Variants in DCC observed in about 807,000 individuals in gnomAD.
DCC encodes netrin receptor DCC.
Under a neutral mutation model 172.5 loss-of-function variants are expected in DCC, and 58 were observed. The ratio of observed to expected loss-of-function variants is 0.34; its 90% CI spans 0.27 to 0.42. The LOEUF is 0.42. Among genes scored for constraint, DCC ranks in the 10% least tolerant of loss-of-function variants. DCC has a pLI of 1.00. For missense variants in DCC, 1,740 were observed against 1,791.0 expected, an observed-to-expected ratio of 0.97 and a Z score of 0.51; for synonymous variants, 709 against 644.5, an observed-to-expected ratio of 1.10 and a Z score of -1.52.
chr18:53,354,463 T>C (rs1048036029), intron 15 of DCC, among the ~76,000 whole-genome samples: 9 of 152,144 alleles, frequency 5.9e-5, no homozygotes, highest in African/African-American at 2.2e-4. Context: ...TTCTAACTGG[T>C]GTGAGATGGT....
intron 2 of DCC, among the ~76,000 whole-genome samples, chr18:52,861,732 G>A (rs1347292351): frequency 6.6e-6 from 1 of 152,108 alleles, no homozygotes; most frequent in African/African-American, 2.4e-5. Context: ...TTGCTGTTGG[G>A]TTAGCAATAT....
At chr18:52,366,397 G>GT (rs1437151689) in intron 1 of DCC, among the ~76,000 whole-genome samples, 2 of 152,158 alleles carry the variant, frequency 1.3e-5, no homozygotes, top group African/African-American at 2.4e-5. Context: ...CGGGCAGCCT[G>GT]TTTTTATTCT....
chr18:53,136,092 T>C (rs2043736074), intron 7 of DCC, among the ~76,000 whole-genome samples: 1 of 151,026 alleles, frequency 6.6e-6, no homozygotes, highest in African/African-American at 2.5e-5. Context: ...TTGTTTGAGC[T>C]GAACAGAAAT....
intron 1 of DCC, among the ~76,000 whole-genome samples, chr18:52,749,581 A>G (rs2036963988): frequency 1.3e-5 from 2 of 152,258 alleles, no homozygotes; most frequent in Non-Finnish European, 2.9e-5. Context: ...TGTTATAAAG[A>G]GTACAAAAAG....
chr18:53,308,832 GT>G (rs1400281811), intron 13 of DCC, among the ~76,000 whole-genome samples: 1 of 151,968 alleles, frequency 6.6e-6, no homozygotes, highest in Non-Finnish European at 1.5e-5. Flanking sequence ...TATTCTCATA[GT>G]TCAGGAGGCC....
intron 2 of DCC, among the ~76,000 whole-genome samples, chr18:52,784,022 C>A (rs75112069): frequency 0.053 from 8,038 of 152,040 alleles, 287 homozygotes; most frequent in South Asian, 0.16. Flanking sequence ...TTTACTACCA[C>A]ACACTAGAAT....
At chr18:52,512,974 T>C (rs937422488) in intron 1 of DCC, among the ~76,000 whole-genome samples, 4 of 152,158 alleles carry the variant, frequency 2.6e-5, no homozygotes, top group Admixed American at 6.5e-5. Context: ...AGATGGCTTA[T>C]ACCAATAGAG....
chr18:52,705,710 G>A (rs1202556323), intron 1 of DCC, among the ~76,000 whole-genome samples: 1 of 152,142 alleles, frequency 6.6e-6, no homozygotes, highest in African/African-American at 2.4e-5. Flanking sequence ...CCACATCATT[G>A]AGCTGAGTGG....
intron 1 of DCC, among the ~76,000 whole-genome samples, chr18:52,749,631 GTTGA>G: frequency 6.6e-6 from 1 of 152,246 alleles, no homozygotes; most frequent in East Asian, 1.9e-4. Context: ...TTGTGTTAAA[GTTGA>G]TCTATGTACT....
intron 5 of DCC, among the ~76,000 whole-genome samples, chr18:52,978,228 A>G (rs1444153726): frequency 6.6e-6 from 1 of 152,202 alleles, no homozygotes; most frequent in Non-Finnish European, 1.5e-5. Flanking sequence ...CGAGAAAGAC[A>G]GTGGAAAATT....
At chr18:53,023,768 T>G (rs2041918200) in intron 5 of DCC, among the ~76,000 whole-genome samples, 1 of 152,132 alleles carries the variant, frequency 6.6e-6, no homozygotes, top group Non-Finnish European at 1.5e-5. Context: ...TCTGTGAAAT[T>G]GAACGCAGTG....
chr18:53,064,196 T>TG (rs1284108196), intron 6 of DCC, among the ~76,000 whole-genome samples: 2 of 152,152 alleles, frequency 1.3e-5, no homozygotes, highest in African/African-American at 4.8e-5. Context: ...CTGGTACACA[T>TG]GGAGTGCTCA....
At chr18:53,203,763 A>T (rs2055581127) in intron 9 of DCC, among the ~76,000 whole-genome samples, 1 of 152,202 alleles carries the variant, frequency 6.6e-6, no homozygotes, top group African/African-American at 2.4e-5. Context: ...GCTAGGTGTT[A>T]TCCAAGCCTG....
At chr18:52,424,304 T>C (rs1005155685) in intron 1 of DCC, among the ~76,000 whole-genome samples, 3 of 152,142 alleles carry the variant, frequency 2.0e-5, no homozygotes, top group Non-Finnish European at 2.9e-5. Flanking sequence ...TTCCAGATGA[T>C]GCATTTGTCT....
chr18:52,724,637 C>T (rs1002701798), intron 1 of DCC, among the ~76,000 whole-genome samples: 2 of 152,138 alleles, frequency 1.3e-5, no homozygotes, highest in Non-Finnish European at 2.9e-5. Flanking sequence ...ATCAGTACAT[C>T]CTGGTTATTT....
rs115731793 is a variant in DCC, at chr18:53,361,753, T to A, written c.2359+21846T>A. On this transcript the variant is annotated intron_variant, in intron 15 of 28. Transcript: ENST00000442544. Reference sequence around the variant, plus strand: ...TCCAGAAAGAAGCAGAAAATAAATGTGAATGGAATACAATGAATACTGCAT... The same window carrying A: ...TCCAGAAAGAAGCAGAAAATAAATGAGAATGGAATACAATGAATACTGCAT... Among the ~76,000 whole-genome samples the A allele has an allele frequency of 4.6e-3, 707 of 152,250 alleles. 8 individuals carry two copies. The highest frequency in any genetic ancestry group is 0.016 in the African/African-American group (658 of 41,562).
chr18:53,207,601 C>T, intron 10 of DCC, 78 bp from the exon 11 acceptor site: 1 of 1,321,258 alleles, frequency 7.6e-7, no homozygotes, highest in Non-Finnish European at 1.1e-6. Flanking sequence ...ATGTCCAATT[C>T]ACTGATTGCA....
intron 1 of DCC, among the ~76,000 whole-genome samples, chr18:52,523,175 T>C (rs1322505417): frequency 6.6e-6 from 1 of 152,164 alleles, no homozygotes; most frequent in African/African-American, 2.4e-5. Context: ...GTTTCTCACT[T>C]GCAGATTCTA....
At position 53,091,303 on chromosome 18, in the gene DCC, T is replaced by TA. The variant is rs574129541; in HGVS notation, c.1261+25138dup. Among the ~76,000 whole-genome samples the TA allele has an allele frequency of 4.6e-4, 69 of 149,146 alleles. No individual in the cohort carries two copies. The South Asian group carries it at 0.013, about 29-fold the overall frequency. On this transcript the variant is annotated intron_variant, in intron 7 of 28. Transcript: ENST00000442544. ...TCAAAGAGAATAACATGAAAAGAAATATTTACTTTGACCGTTCTACCAAAT... is the reference window on the plus strand; with the variant it reads ...TCAAAGAGAATAACATGAAAAGAAATAATTTACTTTGACCGTTCTACCAAAT...
Sources: allele counts gnomAD v4.1 joint callset (sites outside exome capture counted in the v4.1 genomes callset), GRCh38; gene constraint gnomAD v4.1.1; transcripts MANE v1.5; gene names NCBI Gene and HGNC (gene_info 2026-07-23, HGNC 2026-07-21).